Variants in ASB13 observed in about 807,000 individuals in gnomAD.
The protein encoded by ASB13 is ankyrin repeat and SOCS box containing 13.
In ASB13, 33 loss-of-function variants were observed where a neutral mutation model predicts 28.8. That is an observed-to-expected ratio of 1.15 (90% confidence interval 0.87 to 1.53). The LOEUF (loss-of-function observed/expected upper bound fraction) is 1.53. ASB13 is among the 40% of genes most tolerant of loss of function. The pLI is 0.00. For missense variants in ASB13, 414 were observed against 390.1 expected, an observed-to-expected ratio of 1.06 and a Z score of -0.52; for synonymous variants, 182 against 172.9, an observed-to-expected ratio of 1.05 and a Z score of -0.41.
rs1279438670 is a variant in ASB13 at position 5,655,612 on chromosome 10, A to G, written c.44-2562T>C. Among the ~76,000 whole-genome samples, 1 of 152,114 alleles carries G rather than the reference A, an allele frequency of 6.6e-6. No homozygotes were observed. Among genetic ancestry groups the G allele is most frequent in the African/African-American group, 2.4e-5 (1 of 41,406 alleles). Reference sequence around the variant, plus strand: ...AAGATTCGATCCCCACAAAATGTAAAAGTCAAGCTTGTGGAACTTTCTACT... The same window carrying G: ...AAGATTCGATCCCCACAAAATGTAAGAGTCAAGCTTGTGGAACTTTCTACT... On this transcript the variant is annotated intron_variant, in intron 1 of 5. Coordinates refer to ENST00000357700, the MANE Select transcript of ASB13 (RefSeq NM_024701.4). This position sits in a 1 kb window ranked among gnomAD's most constrained non-coding sequence, Gnocchi z 6.2.
rs1272349645 is a variant in ASB13, at chr10:5,652,549, G to A, written c.231+314C>T. Among the ~76,000 whole-genome samples the A allele has an allele frequency of 6.6e-6, 1 of 152,208 alleles. No homozygotes were observed. Among genetic ancestry groups the A allele is most frequent in the East Asian group, 1.9e-4 (1 of 5,190 alleles). On this transcript the variant is annotated intron_variant, in intron 2 of 5. Transcript: ENST00000357700. This position sits in a 1 kb window ranked among gnomAD's most constrained non-coding sequence, Gnocchi z 5.0. The stretch of plus-strand genomic sequence containing the variant: ...CCGGAAACCTGCTCTTTGGGCCCAA[G>A]CAGCAGCTCTGCACCCAGGCCTGGC...
intron 1 of ASB13, among the ~76,000 whole-genome samples, chr10:5,665,616 A>G (rs1485265361): frequency 6.6e-6 from 1 of 152,180 alleles, no homozygotes; most frequent in African/African-American, 2.4e-5. Flanking sequence ...CTGGACTGGA[A>G]TGCCAAGTAA....
chr10:5,662,485 G>A lies in ASB13; in HGVS notation c.43+4024C>T, dbSNP rs181149586. On this transcript the variant is annotated intron_variant, in intron 1 of 5. Coordinates refer to ENST00000357700, the MANE Select transcript of ASB13 (RefSeq NM_024701.4). ...GTGGAGACTGCAGTGAGCTGAGATCGTGCCACTGCACTCCAGCCTGGGCGA... is the reference window on the plus strand; with the variant it reads ...GTGGAGACTGCAGTGAGCTGAGATCATGCCACTGCACTCCAGCCTGGGCGA... Among the ~76,000 whole-genome samples, 66 of 142,396 alleles carry A rather than the reference G, an allele frequency of 4.6e-4. No individual in the cohort carries two copies. In the East Asian group the frequency reaches 0.012, roughly 25 times the overall value. The allele number at this position is 142,396 out of a possible 152,430, so 93.4% of individuals were successfully genotyped here.
rs769198618 is a variant in ASB13, at chr10:5,651,290, T to G, written c.305A>C (p.Lys102Thr). 259 of 1,613,914 alleles carry G rather than the reference T, an allele frequency of 1.6e-4. No homozygotes were observed. Among genetic ancestry groups the G allele is most frequent in the Non-Finnish European group, 1.7e-6 (2 of 1,179,994 alleles). ...CTTGGCCCCGTAGGACAGCAAGAGCTTCACACACTCGATGCTGCCCGAGGC... is the reference window on the plus strand; with the variant it reads ...CTTGGCCCCGTAGGACAGCAAGAGCGTCACACACTCGATGCTGCCCGAGGC... ...ACASGSIECVKLLLSYGAKVN... is the reference protein window; with the variant it reads ...ACASGSIECVTLLLSYGAKVN... The change falls in exon 3 of 6, where the codon AAG becomes ACG. Residue 102 changes from lysine (K) to threonine (T), a missense_variant. Transcript: ENST00000357700. This position sits in a 1 kb window ranked among gnomAD's most constrained non-coding sequence, Gnocchi z 5.1.
intron 4 of ASB13, among the ~76,000 whole-genome samples, chr10:5,643,688 A>G (rs1405256418): frequency 6.6e-6 from 1 of 152,254 alleles, no homozygotes; most frequent in Non-Finnish European, 1.5e-5. Flanking sequence ...AGTAAATTTT[A>G]ACACTAAACA....
At chr10:5,662,826 C>T (rs575921030) in intron 1 of ASB13, among the ~76,000 whole-genome samples, 24 of 152,252 alleles carry the variant, frequency 1.6e-4, no homozygotes, top group South Asian at 4.2e-4. Context: ...AGACAGTGTA[C>T]GTGACAACCC....
At chr10:5,648,103 TCAGGTAAACACCCACA>T (rs1834914265) in intron 4 of ASB13, among the ~76,000 whole-genome samples, 3 of 137,796 alleles carry the variant, frequency 2.2e-5, no homozygotes, top group East Asian at 2.2e-4. Context: ...AAACACCCAC[TCAGGTAAACACCCACA>T]CAGGTAAACA....
At position 5,642,615 on chromosome 10, in the gene ASB13, G is replaced by T; in HGVS notation, c.518-654C>A. On this transcript the variant is annotated intron_variant, in intron 4 of 5. Coordinates refer to ENST00000357700, the MANE Select transcript of ASB13 (RefSeq NM_024701.4). The surrounding 1 kb of genome is among the most constrained non-coding windows in gnomAD (Gnocchi z 4.1). ...AAAAAAAAGAGCAGACATTCAGAAA[G>T]ATGCAAGGAATTAGTAGCTAAATAT... 2 of 816,020 alleles carry T rather than the reference G, an allele frequency of 2.5e-6. No homozygotes were observed. The highest frequency in any genetic ancestry group is 3.4e-6 in the Non-Finnish European group (2 of 592,378). The allele number at this position is 816,020 out of a possible 1,614,324, so 50.5% of individuals were successfully genotyped here.
rs1835202169 is a variant in ASB13, at chr10:5,663,069, GTT to G, written c.43+3438_43+3439del. On this transcript the variant is annotated intron_variant, in intron 1 of 5. Coordinates refer to ENST00000357700, the MANE Select transcript of ASB13 (RefSeq NM_024701.4). The surrounding 1 kb of genome is among the most constrained non-coding windows in gnomAD (Gnocchi z 4.9). ...TTTCATTATGAATCCCCAAAATATA[GTT>G]TGTCGGTAAACTTGAGGTCAAACAG... Among the ~76,000 whole-genome samples the G allele has an allele frequency of 1.3e-5, 2 of 152,258 alleles. No homozygotes were observed. Among genetic ancestry groups the G allele is most frequent in the South Asian group, 2.1e-4 (1 of 4,824 alleles).
chr10:5,649,212 G>A lies in ASB13; in HGVS notation c.383-108C>T. The stretch of plus-strand genomic sequence containing the variant: ...AGCCTCCATCCTTGGTGCAGGGCAG[G>A]GAAGCCAGGCAGGCCTGCGTCCCAA... On this transcript the variant is annotated intron_variant, in intron 3 of 5. Coordinates refer to ENST00000357700, the MANE Select transcript of ASB13 (RefSeq NM_024701.4). This position sits in a 1 kb window ranked among gnomAD's most constrained non-coding sequence, Gnocchi z 6.4. 5 of 1,501,354 alleles carry A rather than the reference G, an allele frequency of 3.3e-6. No individual in the cohort carries two copies. The highest frequency in any genetic ancestry group is 3.6e-6 in the Non-Finnish European group (4 of 1,103,286). 93.0% of individuals were successfully genotyped at this position (1,501,354 alleles called of 1,614,324 possible).
rs905176148 is a variant in ASB13 at position 5,651,499 on chromosome 10, C to G, written c.232-136G>C. The stretch of plus-strand genomic sequence containing the variant: ...TGCTTTGCTATTATGTGCTAGGCAA[C>G]GACACTGAAAGAGATAGCACGTGGC... On this transcript the variant is annotated intron_variant, in intron 2 of 5. Transcript: ENST00000357700. This position sits in a 1 kb window ranked among gnomAD's most constrained non-coding sequence, Gnocchi z 5.1. The G allele has an allele frequency of 1.0e-6, 1 of 996,688 alleles. No homozygotes were observed. The highest frequency in any genetic ancestry group is 1.4e-6 in the Non-Finnish European group (1 of 697,098). The allele number at this position is 996,688 out of a possible 1,614,324, so 61.7% of individuals were successfully genotyped here.
Position 5,661,382 on chromosome 10 carries a change from A to G in ASB13, c.43+5127T>C, listed in dbSNP as rs1036575798. The stretch of plus-strand genomic sequence containing the variant: ...GTCAGGGCCCACTCCAACAAAGAGC[A>G]TTCTCAAATGCCACCAGGGACACCT... On this transcript the variant is annotated intron_variant, in intron 1 of 5. Transcript: ENST00000357700. The surrounding 1 kb of genome is among the most constrained non-coding windows in gnomAD (Gnocchi z 4.9). Among the ~76,000 whole-genome samples, 1 of 152,280 alleles carries G rather than the reference A, an allele frequency of 6.6e-6. No individual in the cohort carries two copies. Among genetic ancestry groups the G allele is most frequent in the African/African-American group, 2.4e-5 (1 of 41,474 alleles).
At chr10:5,640,857 G>A in intron 5 of ASB13, 27 bp from the exon 6 acceptor site, 1 of 1,611,318 alleles carries the variant, frequency 6.2e-7, no homozygotes. Flanking sequence ...GGAAGGATGT[G>A]AGGTTAATTT....
rs907057328 is a variant in ASB13 at position 5,660,162 on chromosome 10, T to C, written c.43+6347A>G. ...TCATGAATAGCCAAGCAAAAGCCTT[T>C]GCCCTGAAAACTAGAGTTTCACAGA... On this transcript the variant is annotated intron_variant, in intron 1 of 5. Coordinates refer to ENST00000357700, the MANE Select transcript of ASB13 (RefSeq NM_024701.4). The surrounding 1 kb of genome is among the most constrained non-coding windows in gnomAD (Gnocchi z 6.1). Among the ~76,000 whole-genome samples the C allele has an allele frequency of 6.6e-6, 1 of 152,238 alleles. No homozygotes were observed. The highest frequency in any genetic ancestry group is 1.5e-5 in the Non-Finnish European group (1 of 68,042).
rs201495436 is a variant in ASB13, at chr10:5,649,632, TCTCCCACCTCAGC to T, written c.383-541_383-529del. 2.8e-3 allele frequency among the ~76,000 whole-genome samples: 429 copies of T among 151,672 alleles called. 2 individuals are homozygous for T. The highest frequency in any genetic ancestry group is 9.7e-3 in the African/African-American group (403 of 41,344). On this transcript the variant is annotated intron_variant, in intron 3 of 5. Transcript: ENST00000357700. The surrounding 1 kb of genome is among the most constrained non-coding windows in gnomAD (Gnocchi z 6.4). ...CCGCCATCTCCCGGGTTAAAGCGAT[TCTCCCACCTCAGC>T]CTCCCAAATAGCTGGAATTACAGGC...
chr10:5,659,725 C>T lies in ASB13; in HGVS notation c.44-6675G>A, dbSNP rs367805819. The stretch of plus-strand genomic sequence containing the variant: ...TGATCAGCATTCTCCCTTCCCTGGG[C>T]CTTCCCTAAGGCCATCCCCTGTCAC... On this transcript the variant is annotated intron_variant, in intron 1 of 5. Transcript: ENST00000357700. This position sits in a 1 kb window ranked among gnomAD's most constrained non-coding sequence, Gnocchi z 5.8. 6.6e-6 allele frequency among the ~76,000 whole-genome samples: 1 copy of T among 152,098 alleles called. No homozygotes were observed. Among genetic ancestry groups the T allele is most frequent in the African/African-American group, 2.4e-5 (1 of 41,406 alleles).
Position 5,652,836 on chromosome 10 carries a change from G to T in ASB13, c.231+27C>A, listed in dbSNP as rs376116648. On this transcript the variant is annotated intron_variant, in intron 2 of 5. Coordinates refer to ENST00000357700, the MANE Select transcript of ASB13 (RefSeq NM_024701.4). The surrounding 1 kb of genome is among the most constrained non-coding windows in gnomAD (Gnocchi z 5.0). ...CCATTCTGGCAGCTGCAGCCAGTCTGGGGGTCTGCCCTGAAGGGCCACTCA... is the reference window on the plus strand; with the variant it reads ...CCATTCTGGCAGCTGCAGCCAGTCTTGGGGTCTGCCCTGAAGGGCCACTCA... 25 of 1,497,080 alleles carry T rather than the reference G, an allele frequency of 1.7e-5. No homozygotes were observed. Among genetic ancestry groups the T allele is most frequent in the Middle Eastern group, 4.5e-4 (2 of 4,482 alleles). 92.7% of individuals were successfully genotyped at this position (1,497,080 alleles called of 1,614,324 possible).
Position 5,640,510 on chromosome 10 carries a change from G to A in ASB13, c.*193C>T, listed in dbSNP as rs929679346. The A allele has an allele frequency of 1.0e-5, 7 of 669,402 alleles. No homozygotes were observed. The highest frequency in any genetic ancestry group is 3.8e-5 in the South Asian group (2 of 52,142). 41.5% of individuals were successfully genotyped at this position (669,402 alleles called of 1,614,324 possible). ...CACACCCACAACTGTGACCTGAGAC[G>A]CAGGCCTTCCCAACACCCTGGAAAC... is the stretch of plus-strand genomic sequence containing the variant. On this transcript the variant is annotated 3_prime_UTR_variant, in exon 6 of 6. Coordinates refer to ENST00000357700, the MANE Select transcript of ASB13 (RefSeq NM_024701.4).
chr10:5,656,761 C>G lies in ASB13; in HGVS notation c.44-3711G>C, dbSNP rs1452210373. ...TTAAAGATTTATAGGAGCACTGCGA[C>G]CTGATCAAGGACAAAGATGTTCCCA... On this transcript the variant is annotated intron_variant, in intron 1 of 5. Transcript: ENST00000357700. This position sits in a 1 kb window ranked among gnomAD's most constrained non-coding sequence, Gnocchi z 4.3. Among the ~76,000 whole-genome samples, 1 of 152,200 alleles carries G rather than the reference C, an allele frequency of 6.6e-6. No individual in the cohort carries two copies. The highest frequency in any genetic ancestry group is 2.1e-4 in the South Asian group (1 of 4,832).
Sources: gnomAD v4.1 joint callset for allele counts (sites outside exome capture counted in the v4.1 genomes callset) on GRCh38, gnomAD v4.1.1 for gene constraint, Gnocchi (gnomAD v3.1) non-coding constraint, MANE v1.5 for transcripts, NCBI Gene and HGNC (gene_info 2026-07-23, HGNC 2026-07-21) for gene names.